MANBA: variants seen among roughly 807,000 people sequenced by gnomAD.
The protein encoded by MANBA is beta-mannosidase.
MANBA carries 83 observed loss-of-function variants against 111.1 expected under a neutral mutation model. The ratio of observed to expected loss-of-function variants is 0.75; its 90% CI spans 0.63 to 0.90. The LOEUF is 0.90. Among genes scored for constraint, MANBA ranks in the 40% least tolerant of loss-of-function variants. The pLI is 0.00. For missense variants in MANBA, 1,036 were observed against 1,069.0 expected, an observed-to-expected ratio of 0.97 and a Z score of 0.43; for synonymous variants, 370 against 378.7, an observed-to-expected ratio of 0.98 and a Z score of 0.27.
Position 102,690,604 on chromosome 4 carries a change from T to C in MANBA, c.841A>G (p.Ile281Val). The C allele has an allele frequency of 6.2e-7, 1 of 1,611,008 alleles. No individual in the cohort carries two copies. ...GKRIVELFVN[I>V]SKNITVETWW... is the part of the protein sequence containing the mutation. The stretch of plus-strand genomic sequence containing the variant: ...GAAGTACCATCATTTACCTTGCTAA[T>C]GTTCACAAATAGCTCAACAATCCTT... Residue 281 changes from isoleucine to valine, a missense_variant, in exon 6 of 17, where the codon ATT becomes GTT. By Grantham distance (29) the Ile-to-Val change is conservative (BLOSUM62 3). Coordinates refer to ENST00000647097, the MANE Select transcript of MANBA (RefSeq NM_005908.4).
intron 5 of MANBA, among the ~76,000 whole-genome samples, chr4:102,704,990 C>T (rs1197959218): frequency 4.6e-5 from 7 of 152,144 alleles, no homozygotes; most frequent in African/African-American, 7.2e-5. Context: ...GGCTGACTAG[C>T]GGCATCTGGT....
intron 5 of MANBA, among the ~76,000 whole-genome samples, chr4:102,711,605 AG>A (rs1722068806): frequency 6.6e-6 from 1 of 152,200 alleles, no homozygotes. Context: ...TCCCACTAAT[AG>A]GTAACTATCC....
At chr4:102,638,520 G>C (rs1471682946) in intron 14 of MANBA, among the ~76,000 whole-genome samples, 45 of 152,058 alleles carry the variant, frequency 3.0e-4, no homozygotes, top group Admixed American at 2.9e-3. Context: ...GGAATAATCT[G>C]CATGGGATCA....
At chr4:102,730,662 C>A (rs1253038397) in intron 1 of MANBA, 14 of 539,438 alleles carry the variant, frequency 2.6e-5, no homozygotes, top group Non-Finnish European at 7.5e-6. Flanking sequence ...GCTCAGTGCT[C>A]GTGTGCTTCT....
At chr4:102,691,505 T>C (rs1050236928) in intron 5 of MANBA, among the ~76,000 whole-genome samples, 1 of 151,220 alleles carries the variant, frequency 6.6e-6, no homozygotes, top group African/African-American at 2.4e-5. Context: ...TTTCTCTCTT[T>C]TCTTTTTCCT....
intron 1 of MANBA, chr4:102,734,270 T>A (rs1323561005): frequency 1.0e-4 from 134 of 1,327,286 alleles, no homozygotes; most frequent in Non-Finnish European, 2.0e-6. Flanking sequence ...CAAAGTCTAC[T>A]CTTCCGGGGG....
In MANBA at chr4:102,676,384, C is replaced by T. The variant is rs116151380; in HGVS notation, c.961-2314G>A. ...CCAGACATGAAAAAACCCAGTGAAG[C>T]ATCTTACAGGGTTAGTTATGCACCC... On this transcript the variant is annotated intron_variant, in intron 7 of 16. Transcript: ENST00000647097. 2.4e-3 allele frequency among the ~76,000 whole-genome samples: 366 copies of T among 152,082 alleles called. 4 individuals are homozygous for T. Among genetic ancestry groups the T allele is most frequent in the Non-Finnish European group, 3.9e-3 (262 of 68,008 alleles).
At chr4:102,691,719 G>A (rs754581170) in intron 5 of MANBA, among the ~76,000 whole-genome samples, 1 of 151,864 alleles carries the variant, frequency 6.6e-6, no homozygotes, top group African/African-American at 2.4e-5. Flanking sequence ...TGTTGTCCAG[G>A]TTAGTCTTGA....
Position 102,634,908 on chromosome 4 carries a change from T to C in MANBA, c.2295A>G (p.Thr765=). ...AAAAGGAAACCACACAGCTTTCCCG[T>C]GTGCAATTCCCACATCTCCTCAGCA... ...SELLRRCGNC[T]RESCVVSFYL... Residue 765 remains threonine, a synonymous_variant, in exon 16 of 17, where the codon ACA becomes ACG. Coordinates refer to ENST00000647097, the MANE Select transcript of MANBA (RefSeq NM_005908.4). 1 of 1,614,214 alleles carries C rather than the reference T, an allele frequency of 6.2e-7. No homozygotes were observed. The highest frequency in any genetic ancestry group is 8.5e-7 in the Non-Finnish European group (1 of 1,180,038).
chr4:102,747,380 G>C (rs1265497870), intron 1 of MANBA, among the ~76,000 whole-genome samples: 1 of 152,146 alleles, frequency 6.6e-6, no homozygotes, highest in South Asian at 2.1e-4. Flanking sequence ...TCTTCTGCCT[G>C]CTTTTTATTC....
intron 1 of MANBA, among the ~76,000 whole-genome samples, chr4:102,757,888 C>A (rs557817773): frequency 2.4e-4 from 36 of 152,324 alleles, no homozygotes; most frequent in African/African-American, 8.4e-4. Context: ...TTGAACTCCT[C>A]TCCTACCCTC....
At chr4:102,707,135 C>T (rs1381820896) in intron 5 of MANBA, among the ~76,000 whole-genome samples, 1 of 152,092 alleles carries the variant, frequency 6.6e-6, no homozygotes, top group African/African-American at 2.4e-5. Context: ...TACAGTCAAA[C>T]TGTCAAAAGT....
intron 5 of MANBA, among the ~76,000 whole-genome samples, chr4:102,697,867 A>C (rs1732803333): frequency 6.6e-6 from 1 of 152,164 alleles, no homozygotes; most frequent in Admixed American, 6.6e-5. Context: ...CTTTGGATAT[A>C]TACCCTGTAA....
chr4:102,718,030 C>G (rs1264685181), intron 4 of MANBA, among the ~76,000 whole-genome samples: 1 of 152,172 alleles, frequency 6.6e-6, no homozygotes, highest in Non-Finnish European at 1.5e-5. Flanking sequence ...TGACTGAACT[C>G]AAGACACAGT....
intron 5 of MANBA, among the ~76,000 whole-genome samples, chr4:102,710,882 A>G (rs1250501506): frequency 6.6e-6 from 1 of 152,196 alleles, no homozygotes; most frequent in African/African-American, 2.4e-5. Context: ...ATCCTCTTCA[A>G]TAAATGGTGC....
intron 1 of MANBA, among the ~76,000 whole-genome samples, chr4:102,734,918 G>A (rs532679014): frequency 6.6e-6 from 1 of 152,324 alleles, no homozygotes; most frequent in African/African-American, 2.4e-5. Flanking sequence ...TTCTTACTTA[G>A]TCATGTGTCC....
At position 102,631,030 on chromosome 4, in the gene MANBA, G is replaced by A. The variant is rs1411677713; in HGVS notation, c.*1027C>T. 1 of 151,644 alleles carries A rather than the reference G, an allele frequency of 6.6e-6. No individual in the cohort carries two copies. Among genetic ancestry groups the A allele is most frequent in the African/African-American group, 2.4e-5 (1 of 41,184 alleles). 9.4% of individuals were successfully genotyped at this position (151,644 alleles called of 1,614,324 possible). On this transcript the variant is annotated 3_prime_UTR_variant, in exon 17 of 17. Transcript: ENST00000647097. The stretch of plus-strand genomic sequence containing the variant: ...AAAACAGGATTTACAATAGTCATAA[G>A]AACATGACATAATATTTACCAAGTA...
At chr4:102,658,335 C>A (rs1226489582) in intron 11 of MANBA, among the ~76,000 whole-genome samples, 4 of 152,102 alleles carry the variant, frequency 2.6e-5, no homozygotes, top group African/African-American at 9.7e-5. Flanking sequence ...ATGTCAGTAC[C>A]CCTCCCCCAA....
chr4:102,724,828 G>T (rs550130614), intron 2 of MANBA, among the ~76,000 whole-genome samples: 1 of 152,210 alleles, frequency 6.6e-6, no homozygotes, highest in East Asian at 1.9e-4. Flanking sequence ...ATGGAAACAA[G>T]AACTTAATGA....
Sources: gnomAD v4.1 joint callset for allele counts (sites outside exome capture counted in the v4.1 genomes callset) on GRCh38, gnomAD v4.1.1 for gene constraint, MANE v1.5 for transcripts, NCBI Gene and HGNC (gene_info 2026-07-23, HGNC 2026-07-21) for gene names.